Variants in NUP93 observed in about 807,000 individuals in gnomAD.
The protein encoded by NUP93 is nucleoporin 93.
A neutral mutation model predicts 107.8 loss-of-function variants in NUP93; 55 were observed. That is an observed-to-expected ratio of 0.51 (90% CI 0.41 to 0.64). The LOEUF (loss-of-function observed/expected upper bound fraction) is 0.64, where lower values mean the gene tolerates loss of function less well. Among genes scored for constraint, NUP93 ranks in the 30% least tolerant of loss-of-function variants. The pLI is 0.00. For missense variants in NUP93, 937 were observed against 1,044.7 expected, an observed-to-expected ratio of 0.90 and a Z score of 1.42; for synonymous variants, 390 against 397.5, an observed-to-expected ratio of 0.98 and a Z score of 0.22.
intron 3 of NUP93, among the ~76,000 whole-genome samples, chr16:56,765,973 T>A (rs1962209342): frequency 6.6e-6 from 1 of 151,964 alleles, no homozygotes; most frequent in African/African-American, 2.4e-5. Context: ...GTGAATGGAA[T>A]TAAAAATGGT....
At chr16:56,808,503 T>TATATAGTTATATAACTATATATAA (rs1567398805) in intron 5 of NUP93, among the ~76,000 whole-genome samples, 1 of 114,940 alleles carries the variant, frequency 8.7e-6, no homozygotes, top group Non-Finnish European at 1.6e-5. Context: ...ACTATATAAA[T>TATATAGTTATATAACTATATATAA]ATATAGTTAT....
chr16:56,791,292 C>T (rs1215136110), intron 3 of NUP93, among the ~76,000 whole-genome samples: 2 of 152,276 alleles, frequency 1.3e-5, no homozygotes, highest in Middle Eastern at 3.4e-3. Flanking sequence ...TTTATTTTAA[C>T]AGGAAATTTG....
rs985715011 is a variant in NUP93, at chr16:56,847,790, G to T, written c.*3181G>T. The T allele has an allele frequency of 8.5e-5, 13 of 152,166 alleles. No homozygotes were observed. The highest frequency in any genetic ancestry group is 2.9e-4 in the African/African-American group (12 of 41,420). 9.4% of individuals were successfully genotyped at this position (152,166 alleles called of 1,614,324 possible). A position where few individuals can be genotyped will look rare whatever the true frequency, so the allele number is the denominator to read the frequency against. On this transcript the variant is annotated 3_prime_UTR_variant, in exon 22 of 22. Coordinates refer to ENST00000308159, the MANE Select transcript of NUP93 (RefSeq NM_014669.5). Reference sequence around the variant, plus strand: ...CAGGAAGTGCCCATTTTACACTGGGGCCAGGATGCAGACCCAGCTCCTGTC... The same window carrying T: ...CAGGAAGTGCCCATTTTACACTGGGTCCAGGATGCAGACCCAGCTCCTGTC...
At chr16:56,836,780 G>A (rs1406366943) in intron 17 of NUP93, 63 bp downstream of exon 17, 78 of 1,051,980 alleles carry the variant, frequency 7.4e-5, no homozygotes, top group Non-Finnish European at 1.1e-4. Context: ...GGCATTAAAT[G>A]TGCAGCCACT....
chr16:56,747,953 G>T, intron 1 of NUP93: 1 of 206,942 alleles, frequency 4.8e-6, no homozygotes. Flanking sequence ...CAGGAATTCT[G>T]GTCTGTGACT....
chr16:56,769,498 CT>C (rs1247441020), intron 3 of NUP93, among the ~76,000 whole-genome samples: 1 of 151,904 alleles, frequency 6.6e-6, no homozygotes, highest in Admixed American at 6.6e-5. Context: ...CAGGTGCTTG[CT>C]TTTTTTTGCC....
At chr16:56,785,891 C>T (rs1962616013) in intron 3 of NUP93, among the ~76,000 whole-genome samples, 1 of 152,146 alleles carries the variant, frequency 6.6e-6, no homozygotes, top group African/African-American at 2.4e-5. Flanking sequence ...ATTTAAAGTA[C>T]TTTGTGTTAA....
At chr16:56,837,756 TG>T in intron 18 of NUP93, 30 bp downstream of exon 18, 1 of 1,570,868 alleles carries the variant, frequency 6.4e-7, no homozygotes, top group African/African-American at 1.3e-5. Flanking sequence ...CATGGGACCC[TG>T]AGGGTGCCAC....
rs1022882200 is a variant in NUP93, at chr16:56,841,769, G to A, written c.2285G>A (p.Arg762Lys). 1 of 1,614,198 alleles carries A rather than the reference G, an allele frequency of 6.2e-7. No homozygotes were observed. The highest frequency in any genetic ancestry group is 1.3e-5 in the African/African-American group (1 of 75,064). Residue 762 changes from arginine to lysine, a missense_variant, in exon 21 of 22, where the codon AGG (arginine) becomes AAG (lysine). Physicochemically the swap from Arg to Lys is conservative, Grantham distance 26. Coordinates refer to ENST00000308159, the MANE Select transcript of NUP93 (RefSeq NM_014669.5). The part of the protein sequence containing the change: ...TMNILFTQFK[R>K]LKGTSPSSSS... Reference sequence around the variant, plus strand: ...AACATCTTGTTCACACAGTTTAAGAGGCTCAAGGGGACAAGTCCATCCTCG... The same window carrying A: ...AACATCTTGTTCACACAGTTTAAGAAGCTCAAGGGGACAAGTCCATCCTCG...
intron 3 of NUP93, among the ~76,000 whole-genome samples, chr16:56,779,379 C>T (rs1596792900): frequency 6.6e-6 from 1 of 152,256 alleles, no homozygotes; most frequent in East Asian, 1.9e-4. Context: ...ATGCTGGACC[C>T]GTTAGTTTTT....
Position 56,850,176 on chromosome 16 carries a change from T to C in NUP93, c.*5567T>C, listed in dbSNP as rs1964160140. On this transcript the variant is annotated 3_prime_UTR_variant, in exon 22 of 22. Coordinates refer to ENST00000308159, the MANE Select transcript of NUP93 (RefSeq NM_014669.5). ...AAGGGAGAGGGTGGGAGAGCGTTGG[T>C]GGATGTGTTCTGCATGTTCCTTTCT... 6.6e-6 allele frequency: 1 copy of C among 152,292 alleles called. No homozygotes were observed. Among genetic ancestry groups the C allele is most frequent in the Non-Finnish European group, 1.5e-5 (1 of 68,084 alleles). The allele number at this position is 152,292 out of a possible 1,614,324, so 9.4% of individuals were successfully genotyped here. A position where few individuals can be genotyped will look rare whatever the true frequency, so the allele number is the denominator to read the frequency against.
Position 56,782,956 on chromosome 16 carries a change from G to A in NUP93, c.298-15520G>A, listed in dbSNP as rs910550415. ...CCTTTAAGTATATTTCAAATTTTTG[G>A]CTAGAGAATATAATTTGTGTAAGTG... On this transcript the variant is annotated intron_variant, in intron 3 of 21. Coordinates refer to ENST00000308159, the MANE Select transcript of NUP93 (RefSeq NM_014669.5). Among the ~76,000 whole-genome samples the A allele has an allele frequency of 2.0e-5, 3 of 152,044 alleles. No homozygotes were observed. In the East Asian group the frequency reaches 5.8e-4, roughly 29 times the overall value.
At chr16:56,840,740 A>AAAT (rs1964008224) in intron 20 of NUP93, among the ~76,000 whole-genome samples, 1 of 152,188 alleles carries the variant, frequency 6.6e-6, no homozygotes, top group South Asian at 2.1e-4. Context: ...TCACACCTAT[A>AAAT]ATCCCAACAT....
intron 2 of NUP93, among the ~76,000 whole-genome samples, chr16:56,753,466 G>T (rs1246185296): frequency 6.6e-6 from 1 of 152,178 alleles, no homozygotes; most frequent in Non-Finnish European, 1.5e-5. Context: ...GGGAACTATA[G>T]CCTTGCTACT....
At chr16:56,741,498 A>G (rs1364444504) in intron 1 of NUP93, among the ~76,000 whole-genome samples, 2 of 152,226 alleles carry the variant, frequency 1.3e-5, no homozygotes, top group Non-Finnish European at 2.9e-5. Flanking sequence ...TTCACAGTGT[A>G]ATCTTCTCAC....
intron 3 of NUP93, among the ~76,000 whole-genome samples, chr16:56,768,736 G>A (rs145071967): frequency 0.016 from 2,369 of 151,270 alleles, 80 homozygotes; most frequent in East Asian, 0.098. Context: ...GTGTGGTGGC[G>A]GGCGCCTGTA....
intron 9 of NUP93, among the ~76,000 whole-genome samples, 182 bp from the exon 10 acceptor site, chr16:56,830,346 C>G (rs1262959439): frequency 6.6e-6 from 1 of 152,214 alleles, no homozygotes; most frequent in Non-Finnish European, 1.5e-5. Flanking sequence ...CTTAACCCCT[C>G]CATGCCTCAG....
intron 3 of NUP93, among the ~76,000 whole-genome samples, chr16:56,785,075 A>G (rs2043635): frequency 0.31 from 47,190 of 152,108 alleles, 7,675 homozygotes; most frequent in East Asian, 0.46. Flanking sequence ...GTTTAAATAT[A>G]TGGTAGAATG....
rs1416001580 is a variant in NUP93 at position 56,833,350 on chromosome 16, T to C, written c.1481T>C (p.Leu494Pro). Residue 494 changes from leucine to proline, a missense_variant, in exon 13 of 22, where the codon CTG becomes CCG. By Grantham distance (98) the Leu-to-Pro change is moderately conservative. Transcript: ENST00000308159. ...RLRCHAVHVA[L>P]VLFELKLLLK... ...CGCTGCCATGCTGTCCATGTAGCAC[T>C]GGTGCTGTTTGAGCTGAAGCTGCTT... 6.3e-7 allele frequency: 1 copy of C among 1,589,348 alleles called. No homozygotes were observed. Among genetic ancestry groups the C allele is most frequent in the Non-Finnish European group, 8.5e-7 (1 of 1,171,564 alleles).
Sources: gnomAD v4.1 joint callset for allele counts (sites outside exome capture counted in the v4.1 genomes callset) on GRCh38, gnomAD v4.1.1 for gene constraint, MANE v1.5 for transcripts, NCBI Gene and HGNC (gene_info 2026-07-23, HGNC 2026-07-21) for gene names.